The following GOLGA8H variants were observed in gnomAD, a reference collection of about 807,000 sequenced individuals.
GOLGA8H encodes golgin A8 family member H.
In GOLGA8H, 47 loss-of-function variants were observed where a neutral mutation model predicts 82.7. That is an observed-to-expected ratio of 0.57 (90% CI 0.45 to 0.73). The LOEUF is 0.73. Among genes scored for constraint, GOLGA8H ranks in the 30% least tolerant of loss-of-function variants. The probability of loss-of-function intolerance (pLI) is 0.00; values close to 1 mark genes in which losing one functional copy is unlikely to be tolerated. For missense variants in GOLGA8H, 372 were observed against 661.0 expected (o/e 0.56, Z 4.79); for synonymous variants, 108 against 241.6 (o/e 0.45, Z 5.13).
At position 30,613,212 on chromosome 15, in the gene GOLGA8H, C is replaced by CCG; in HGVS notation, c.1368+17_1368+18insCG. 1 of 521,434 alleles carries CCG rather than the reference C, an allele frequency of 1.9e-6. No individual in the cohort carries two copies. Among genetic ancestry groups the CCG allele is most frequent in the Non-Finnish European group, 3.4e-6 (1 of 297,386 alleles). 32.3% of individuals were successfully genotyped at this position (521,434 alleles called of 1,614,324 possible). A position where few individuals can be genotyped will look rare whatever the true frequency, so the allele number is the denominator to read the frequency against. ...GAGGCCATGGTGAGCCTGACTCCCC[C>CCG]TGCACCCATTTTGCCACCTTTCTCT... On this transcript the variant is annotated intron_variant, in intron 15 of 18. Coordinates refer to ENST00000566740, the MANE Select transcript of GOLGA8H (RefSeq NM_001282490.2).
chr15:30,612,680 A>G lies in GOLGA8H; in HGVS notation c.1276+8A>G. On this transcript the variant is annotated splice_region_variant and intron_variant, in intron 14 of 18. Coordinates refer to ENST00000566740, the MANE Select transcript of GOLGA8H (RefSeq NM_001282490.2). ...TGGCTCTCCCTGGGGAAGGTACGGGAGACCGCTCAGAGGAAGAGGAGAGAG... is the reference window on the plus strand; with the variant it reads ...TGGCTCTCCCTGGGGAAGGTACGGGGGACCGCTCAGAGGAAGAGGAGAGAG... 5 of 1,597,324 alleles carry G rather than the reference A, an allele frequency of 3.1e-6. No individual in the cohort carries two copies. Among genetic ancestry groups the G allele is most frequent in the Non-Finnish European group, 3.4e-6 (4 of 1,176,910 alleles).
At position 30,609,869 on chromosome 15, in the gene GOLGA8H, C is replaced by T; in HGVS notation, c.655C>T (p.Leu219=). 1 of 1,600,386 alleles carries T rather than the reference C, an allele frequency of 6.2e-7. No homozygotes were observed. The highest frequency in any genetic ancestry group is 8.5e-7 in the Non-Finnish European group (1 of 1,171,126). ...KLEQSMREEA[L]LKVQLTQLKE... ...AGAGCAGTCCATGCGGGAGGAGGCA[C>T]TACTGAAAGTGCAGCTGACACAGGT... The change falls in exon 9 of 19, where the codon CTA becomes TTA. Residue 219 remains leucine (L), a synonymous_variant. Coordinates refer to ENST00000566740, the MANE Select transcript of GOLGA8H (RefSeq NM_001282490.2).
intron 8 of GOLGA8H, among the ~76,000 whole-genome samples, chr15:30,609,025 G>A (rs2059973503): frequency 7.4e-6 from 1 of 135,232 alleles, no homozygotes; most frequent in Non-Finnish European, 1.6e-5. Flanking sequence ...TCTTGAGCAA[G>A]TCCTAGGTGG....
At chr15:30,607,970 G>T in intron 4 of GOLGA8H, 60 bp from the exon 5 acceptor site, 1 of 1,595,850 alleles carries the variant, frequency 6.3e-7, no homozygotes, top group African/African-American at 1.3e-5. Context: ...ACCACTTCCT[G>T]GTCTGGGGAA....
chr15:30,606,134 C>A (rs1468064649), intron 2 of GOLGA8H, among the ~76,000 whole-genome samples, 172 bp downstream of exon 2: 2 of 151,630 alleles, frequency 1.3e-5, no homozygotes, highest in Non-Finnish European at 2.9e-5. Context: ...GCAGGCGGAT[C>A]ATGAGGTCAG....
In GOLGA8H at chr15:30,609,896, A is replaced by G; in HGVS notation, c.678+4A>G. On this transcript the variant is annotated splice_donor_region_variant and intron_variant, in intron 9 of 18. Coordinates refer to ENST00000566740, the MANE Select transcript of GOLGA8H (RefSeq NM_001282490.2). ...ACTGAAAGTGCAGCTGACACAGGTGAGGTTTTCTGAGGGAGTTATGTGGAA... is the reference window on the plus strand; with the variant it reads ...ACTGAAAGTGCAGCTGACACAGGTGGGGTTTTCTGAGGGAGTTATGTGGAA... 1 of 1,578,842 alleles carries G rather than the reference A, an allele frequency of 6.3e-7. No homozygotes were observed. Among genetic ancestry groups the G allele is most frequent in the Non-Finnish European group, 8.7e-7 (1 of 1,152,164 alleles).
At chr15:30,606,722 A>G (rs1255469409) in intron 2 of GOLGA8H, 133 bp from the exon 3 acceptor site, 1 of 927,042 alleles carries the variant, frequency 1.1e-6, no homozygotes, top group Non-Finnish European at 1.6e-6. Context: ...GTTGGCACAA[A>G]GGAGTTATGG....
chr15:30,610,908 AGAAGAGAGGATTCAGGAGCAG>A lies in GOLGA8H; in HGVS notation c.1027_1047del (p.Ile343_Arg349del), dbSNP rs1288663677. 1 of 821,740 alleles carries A rather than the reference AGAAGAGAGGATTCAGGAGCAG, an allele frequency of 1.2e-6. No individual in the cohort carries two copies. The allele number at this position is 821,740 out of a possible 1,614,324, so 50.9% of individuals were successfully genotyped here. Reference sequence around the variant, plus strand: ...GCATAAGTCTCCTGAACCAGCGACAAGAAGAGAGGATTCAGGAGCAGGAAGAGAGGCTTCGGAAGCAGGAGG... The same window carrying A: ...GCATAAGTCTCCTGAACCAGCGACAAGAAGAGAGGCTTCGGAAGCAGGAGG... On this transcript the variant is annotated inframe_deletion, in exon 12 of 19. Transcript: ENST00000566740.
In GOLGA8H at chr15:30,615,968, C is replaced by T. The variant is rs2060100524; in HGVS notation, c.*1407C>T. On this transcript the variant is annotated 3_prime_UTR_variant, in exon 19 of 19. Transcript: ENST00000566740. Reference sequence around the variant, plus strand: ...ACAAACTGCAGTGCAATCTACTGTTCGTGAATGTCAATGTATTATCAGGAA... The same window carrying T: ...ACAAACTGCAGTGCAATCTACTGTTTGTGAATGTCAATGTATTATCAGGAA... Among the ~76,000 whole-genome samples the T allele has an allele frequency of 4.0e-5, 6 of 151,310 alleles. No homozygotes were observed. Among genetic ancestry groups the T allele is most frequent in the South Asian group, 2.1e-4 (1 of 4,804 alleles).
chr15:30,605,309 G>A (rs1383451693), intron 1 of GOLGA8H, among the ~76,000 whole-genome samples: 16 of 149,028 alleles, frequency 1.1e-4, no homozygotes, highest in South Asian at 6.4e-4. Context: ...AAACATGAAT[G>A]TACTTAGGGA....
chr15:30,609,026 T>G (rs1387643721), intron 8 of GOLGA8H, among the ~76,000 whole-genome samples: 1 of 134,804 alleles, frequency 7.4e-6, no homozygotes, highest in African/African-American at 3.0e-5. Context: ...CTTGAGCAAG[T>G]CCTAGGTGGG....
intron 4 of GOLGA8H, chr15:30,607,726 T>C (rs2059944400): frequency 1.7e-6 from 1 of 599,850 alleles, no homozygotes; most frequent in Non-Finnish European, 2.9e-6. Context: ...TGAACCCACT[T>C]CTCTAAATCA....
At chr15:30,611,546 G>T (rs950709055) in intron 13 of GOLGA8H, among the ~76,000 whole-genome samples, 200 bp downstream of exon 13, 53 of 151,224 alleles carry the variant, frequency 3.5e-4, no homozygotes, top group Non-Finnish European at 6.9e-4. Context: ...CTCCTCTCAG[G>T]TCTGGACATC....
In GOLGA8H at chr15:30,613,113, G is replaced by T. The variant is rs751370890; in HGVS notation, c.1286G>T (p.Gly429Val). The change falls in exon 15 of 19, where the codon GGA becomes GTA. Residue 429 changes from glycine to valine, a missense_variant. Gly to Val is a moderately radical substitution (Grantham distance 109, BLOSUM62 -3). Transcript: ENST00000566740. ...TGGCCACCCCCCACAGGACACGGAG[G>T]AGAACATCTGGACAGTGAGGGGGAG... ...LMALPGEGHG[G>V]EHLDSEGEEA... 153 of 1,226,162 alleles carry T rather than the reference G, an allele frequency of 1.2e-4. 2 individuals carry two copies. Among genetic ancestry groups the T allele is most frequent in the Admixed American group, 2.1e-5 (1 of 48,406 alleles). The allele number at this position is 1,226,162 out of a possible 1,614,324, so 76.0% of individuals were successfully genotyped here. A position where few individuals can be genotyped will look rare whatever the true frequency, so the allele number is the denominator to read the frequency against.
chr15:30,613,101 C>G lies in GOLGA8H; in HGVS notation c.1277-3C>G, dbSNP rs1265084561. 8.1e-7 allele frequency: 1 copy of G among 1,232,950 alleles called. No homozygotes were observed. The highest frequency in any genetic ancestry group is 2.0e-5 in the Admixed American group (1 of 48,880). 76.4% of individuals were successfully genotyped at this position (1,232,950 alleles called of 1,614,324 possible). On this transcript the variant is annotated splice_region_variant and splice_polypyrimidine_tract_variant and intron_variant, in intron 14 of 18. Transcript: ENST00000566740. The stretch of plus-strand genomic sequence containing the variant: ...TGAAGACCCCTCTGGCCACCCCCCA[C>G]AGGACACGGAGGAGAACATCTGGAC...
intron 4 of GOLGA8H, chr15:30,607,605 C>A (rs960087321): frequency 2.9e-6 from 1 of 348,366 alleles, no homozygotes; most frequent in Non-Finnish European, 5.3e-6. Flanking sequence ...ATTTAAAGGC[C>A]CCCTAGAACG....
In GOLGA8H at chr15:30,609,983, G is replaced by C. The variant is rs763902152; in HGVS notation, c.679-16G>C. ...CCAGTGACAGCCCTTCCTAAGTTCT[G>C]TGCCCATTCTTGCAGTTGAAGGAGT... On this transcript the variant is annotated splice_polypyrimidine_tract_variant and intron_variant, in intron 9 of 18. Coordinates refer to ENST00000566740, the MANE Select transcript of GOLGA8H (RefSeq NM_001282490.2). 6.2e-7 allele frequency: 1 copy of C among 1,610,404 alleles called. No individual in the cohort carries two copies. The highest frequency in any genetic ancestry group is 1.3e-5 in the African/African-American group (1 of 74,580).
rs1406907295 is a variant in GOLGA8H, at chr15:30,616,746, T to C, written c.*2185T>C. Among the ~76,000 whole-genome samples the C allele has an allele frequency of 7.0e-6, 1 of 143,748 alleles. No individual in the cohort carries two copies. Among genetic ancestry groups the C allele is most frequent in the Non-Finnish European group, 1.5e-5 (1 of 65,552 alleles). 94.3% of individuals were successfully genotyped at this position (143,748 alleles called of 152,430 possible). A position where few individuals can be genotyped will look rare whatever the true frequency, so the allele number is the denominator to read the frequency against. ...TTATTTGGTCTAACGTTTTTTCTTT[T>C]ATCATTCTGAAACTGGGTTTATCTA... On this transcript the variant is annotated 3_prime_UTR_variant, in exon 19 of 19. Transcript: ENST00000566740.
chr15:30,605,165 T>C (rs1331231472), intron 1 of GOLGA8H, among the ~76,000 whole-genome samples: 14 of 135,308 alleles, frequency 1.0e-4, no homozygotes, highest in African/African-American at 3.2e-4. Context: ...GGAATAGATC[T>C]TGGGAAACTG....
Sources: gnomAD v4.1 joint callset for allele counts (sites outside exome capture counted in the v4.1 genomes callset) on GRCh38, gnomAD v4.1.1 for gene constraint, MANE v1.5 for transcripts, NCBI Gene and HGNC (gene_info 2026-07-23, HGNC 2026-07-21) for gene names.